The following PHACTR1 variants were observed in gnomAD, a reference collection of about 807,000 sequenced individuals.
PHACTR1 encodes the protein phosphatase and actin regulator 1.
A neutral mutation model predicts 69.2 loss-of-function variants in PHACTR1; 16 were observed. The ratio of observed to expected loss-of-function variants is 0.23; its 90% CI spans 0.16 to 0.35. The LOEUF (loss-of-function observed/expected upper bound fraction) is 0.35. Ranked by LOEUF, PHACTR1 falls within the 10% of genes least tolerant of loss-of-function variation. PHACTR1 has a pLI of 1.00. For missense variants in PHACTR1, 510 were observed against 734.7 expected (o/e 0.69, Z 3.54); for synonymous variants, 312 against 284.5 (o/e 1.10, Z -0.97).
intron 3 of PHACTR1, among the ~76,000 whole-genome samples, chr6:12,740,645 T>C (rs1386404013): frequency 2.6e-5 from 4 of 152,184 alleles, no homozygotes; most frequent in Admixed American, 2.0e-4. Flanking sequence ...TTATAAGTCC[T>C]TTGTTAAATA....
chr6:13,098,001 A>G (rs1465383113), intron 5 of PHACTR1, among the ~76,000 whole-genome samples: 4 of 152,154 alleles, frequency 2.6e-5, no homozygotes, highest in African/African-American at 7.2e-5. Context: ...ACCTACTCAG[A>G]ATCCCACATC....
chr6:13,091,867 G>A (rs749970451), intron 5 of PHACTR1, among the ~76,000 whole-genome samples: 6 of 152,128 alleles, frequency 3.9e-5, no homozygotes, highest in South Asian at 2.1e-4. Flanking sequence ...GCGCAATCTC[G>A]GCTCACTGCA....
chr6:12,845,727 TG>T (rs1779195634), intron 4 of PHACTR1, among the ~76,000 whole-genome samples: 1 of 152,332 alleles, frequency 6.6e-6, no homozygotes, highest in African/African-American at 2.4e-5. Context: ...TTGTGGGCTC[TG>T]ATACGGAATT....
intron 3 of PHACTR1, among the ~76,000 whole-genome samples, chr6:12,729,993 C>G (rs1167145737): frequency 6.6e-6 from 1 of 151,988 alleles, no homozygotes; most frequent in Non-Finnish European, 1.5e-5. Context: ...GGAGGATGAC[C>G]AAGATGAAGG....
intron 7 of PHACTR1, among the ~76,000 whole-genome samples, chr6:13,188,097 A>C (rs544476019): frequency 1.3e-5 from 2 of 152,274 alleles, no homozygotes; most frequent in Admixed American, 1.3e-4. Context: ...TCTGTTATCT[A>C]TATGCCTCAC....
intron 5 of PHACTR1, among the ~76,000 whole-genome samples, chr6:13,128,410 G>A (rs760206367): frequency 1.5e-4 from 22 of 150,830 alleles, no homozygotes; most frequent in Non-Finnish European, 3.2e-4. Context: ...TTTAAATGTA[G>A]GATATGGATG....
chr6:12,934,689 A>C (rs1789244465), intron 4 of PHACTR1, among the ~76,000 whole-genome samples: 1 of 152,010 alleles, frequency 6.6e-6, no homozygotes, highest in African/African-American at 2.4e-5. Flanking sequence ...TACAAAAATT[A>C]GTCGGGTGTG....
chr6:13,138,725 G>A (rs1237698199), intron 5 of PHACTR1, among the ~76,000 whole-genome samples: 1 of 152,184 alleles, frequency 6.6e-6, no homozygotes, highest in Non-Finnish European at 1.5e-5. Flanking sequence ...GTTGTCAGAG[G>A]CACCTTGGCC....
chr6:13,286,942 C>T lies in PHACTR1; in HGVS notation c.1728-121C>T, dbSNP rs528855695. 4.9e-5 allele frequency: 50 copies of T among 1,024,462 alleles called. 3 individuals are homozygous for T. The highest frequency in any genetic ancestry group is 3.7e-4 in the South Asian group (25 of 66,912). 63.5% of individuals were successfully genotyped at this position (1,024,462 alleles called of 1,614,324 possible). ...TTCAGTGGTACTCCTGTGGGGATGA[C>T]GGTGGGAAGCTCGCACCTCCCTCTC... On this transcript the variant is annotated intron_variant, in intron 14 of 14. Transcript: ENST00000332995.
intron 4 of PHACTR1, among the ~76,000 whole-genome samples, chr6:12,802,872 C>G (rs1773874166): frequency 1.3e-5 from 2 of 152,178 alleles, no homozygotes; most frequent in African/African-American, 4.8e-5. Flanking sequence ...TTAAAAGTGA[C>G]TGCAAGTTTT....
At chr6:12,722,269 C>T (rs773189050) in intron 3 of PHACTR1, among the ~76,000 whole-genome samples, 15 of 152,200 alleles carry the variant, frequency 9.9e-5, no homozygotes, top group Admixed American at 2.0e-4. Flanking sequence ...AGTGTTCTTA[C>T]AGATGTAAAT....
In PHACTR1 at chr6:12,767,484, C is replaced by A. The variant is rs549693307; in HGVS notation, c.250+17694C>A. ...CATTTGCTTTCCAAATAGTTGCTAACTTAGAGTAAATGCAGGTGTAGATGA... is the reference window on the plus strand; with the variant it reads ...CATTTGCTTTCCAAATAGTTGCTAAATTAGAGTAAATGCAGGTGTAGATGA... On this transcript the variant is annotated intron_variant, in intron 4 of 14. Transcript: ENST00000332995. 6.6e-5 allele frequency among the ~76,000 whole-genome samples: 10 copies of A among 152,280 alleles called. No homozygotes were observed. In the East Asian group the frequency reaches 1.9e-3, roughly 29 times the overall value.
intron 4 of PHACTR1, among the ~76,000 whole-genome samples, chr6:12,909,574 AG>A (rs1438415785): frequency 6.6e-6 from 1 of 152,234 alleles, no homozygotes; most frequent in Admixed American, 6.5e-5. Flanking sequence ...GGTAGATGAA[AG>A]AAATGATTGT....
chr6:13,040,624 C>T (rs1803988885), intron 4 of PHACTR1, among the ~76,000 whole-genome samples: 1 of 152,124 alleles, frequency 6.6e-6, no homozygotes, highest in South Asian at 2.1e-4. Context: ...CCAGCTGAGA[C>T]ACAGGACCCT....
intron 4 of PHACTR1, among the ~76,000 whole-genome samples, chr6:12,782,367 G>A (rs1316987758): frequency 2.6e-5 from 4 of 152,120 alleles, no homozygotes; most frequent in East Asian, 1.9e-4. Context: ...GGACACATTC[G>A]ACTTGTCAGT....
intron 4 of PHACTR1, among the ~76,000 whole-genome samples, chr6:12,941,774 A>G (rs1296837651): frequency 6.6e-6 from 1 of 152,202 alleles, no homozygotes; most frequent in African/African-American, 2.4e-5. Context: ...AAGCAAGCAT[A>G]CAAGCAAAAG....
chr6:12,989,285 A>AG (rs1796543097), intron 4 of PHACTR1, among the ~76,000 whole-genome samples: 1 of 152,236 alleles, frequency 6.6e-6, no homozygotes, highest in Non-Finnish European at 1.5e-5. Context: ...CAAAGTCTAC[A>AG]GGGGGAGATA....
At chr6:13,089,497 G>A (rs1380500224) in intron 5 of PHACTR1, among the ~76,000 whole-genome samples, 2 of 152,148 alleles carry the variant, frequency 1.3e-5, no homozygotes, top group Admixed American at 1.3e-4. Flanking sequence ...GAAGGATTCT[G>A]ACTCAATATG....
At chr6:12,995,058 T>G (rs189295417) in intron 4 of PHACTR1, among the ~76,000 whole-genome samples, 77 of 152,138 alleles carry the variant, frequency 5.1e-4, no homozygotes, top group African/African-American at 1.7e-3. Flanking sequence ...ATAAATATGT[T>G]TGTAAAAGTA....
Sources: gnomAD v4.1 joint callset for allele counts (sites outside exome capture counted in the v4.1 genomes callset) on GRCh38, gnomAD v4.1.1 for gene constraint, MANE v1.5 for transcripts, NCBI Gene and HGNC (gene_info 2026-07-23, HGNC 2026-07-21) for gene names.